Variants in HMX1 observed in about 807,000 individuals in gnomAD.
HMX1 encodes the protein homeobox protein HMX1.
Under a neutral mutation model 8.9 loss-of-function variants are expected in HMX1, and 8 were observed. The observed-to-expected ratio is 0.90, with a 90% CI of 0.53 to 1.63. The LOEUF (loss-of-function observed/expected upper bound fraction) is 1.63. Among genes scored for constraint, HMX1 ranks in the 40% most tolerant of loss-of-function variants. The pLI, the probability that HMX1 is intolerant of heterozygous loss-of-function variation, is 0.00. For synonymous variants in HMX1, 311 were observed against 283.4 expected, an observed-to-expected ratio of 1.10 and a Z score of -0.98; for missense variants, 621 against 558.5, an observed-to-expected ratio of 1.11 and a Z score of -1.13.
In HMX1 at chr4:8,846,286, C is replaced by G. The variant is rs1159203652; in HGVS notation, c.433G>C (p.Glu145Gln). ...TTATCAGCTCTGGTCACCTGCCCCT[C>G]TCCACACTGCACAGGCTGAGGTGTA... is the stretch of plus-strand genomic sequence containing the variant. The change falls in exon 2 of 2, where the codon GAG becomes CAG. Residue 145 changes from glutamate to glutamine, a missense_variant. Physicochemically the swap from Glu to Gln is conservative, Grantham distance 29 (BLOSUM62 2). Transcript: ENST00000506970. 8 of 1,535,364 alleles carry G rather than the reference C, an allele frequency of 5.2e-6. No individual in the cohort carries two copies. The Admixed American group carries it at 5.9e-5, about 11-fold the overall frequency.
At position 8,849,763 on chromosome 4, in the gene HMX1, G is replaced by A. The variant is rs1721387532; in HGVS notation, c.395-3439C>T. On this transcript the variant is annotated intron_variant, in intron 1 of 1. Transcript: ENST00000506970. The surrounding 1 kb of genome is among the most constrained non-coding windows in gnomAD (Gnocchi z 6.6). ...CCTCTGCCCTTGCTGGGTAGGGCAG[G>A]AAGAAATGGGGACCCTCACAGGAGG... 6.6e-6 allele frequency among the ~76,000 whole-genome samples: 1 copy of A among 152,200 alleles called. No homozygotes were observed. The highest frequency in any genetic ancestry group is 2.1e-4 in the South Asian group (1 of 4,832).
Position 8,849,832 on chromosome 4 carries a change from CCATTTGT to C in HMX1, c.395-3515_395-3509del, listed in dbSNP as rs1286829031. Among the ~76,000 whole-genome samples the C allele has an allele frequency of 6.6e-6, 1 of 152,182 alleles. No homozygotes were observed. Among genetic ancestry groups the C allele is most frequent in the Non-Finnish European group, 1.5e-5 (1 of 68,030 alleles). ...CCCTCCGGGCATCGGGTGTGGTCTGCCATTTGTCATTTAACTCCACCCTCAGCCCGGA... is the reference window on the plus strand; with the variant it reads ...CCCTCCGGGCATCGGGTGTGGTCTGCCATTTAACTCCACCCTCAGCCCGGA... On this transcript the variant is annotated intron_variant, in intron 1 of 1. Transcript: ENST00000506970. The surrounding 1 kb of genome is among the most constrained non-coding windows in gnomAD (Gnocchi z 6.6).
chr4:8,855,745 G>A (rs1721590907), intron 1 of HMX1, among the ~76,000 whole-genome samples: 1 of 152,200 alleles, frequency 6.6e-6, no homozygotes, highest in Admixed American at 6.5e-5. Context: ...AAAGTTTCAA[G>A]CAGCTGAGGA....
At position 8,861,997 on chromosome 4, in the gene HMX1, C is replaced by T. The variant is rs921091318; in HGVS notation, c.394+9224G>A. 3.3e-5 allele frequency among the ~76,000 whole-genome samples: 5 copies of T among 152,344 alleles called. No homozygotes were observed. In the South Asian group the frequency reaches 6.2e-4, roughly 19 times the overall value. ...GAGCCGGGAGGCGGCGCCAAGGACCCTTCAGCCCTTGTCCGTCCTCCCTGA... is the reference window on the plus strand; with the variant it reads ...GAGCCGGGAGGCGGCGCCAAGGACCTTTCAGCCCTTGTCCGTCCTCCCTGA... On this transcript the variant is annotated intron_variant, in intron 1 of 1. Coordinates refer to the HMX1 transcript ENST00000506970.
intron 1 of HMX1, among the ~76,000 whole-genome samples, chr4:8,859,468 T>C (rs1047491187): frequency 6.6e-6 from 1 of 152,108 alleles, no homozygotes; most frequent in African/African-American, 2.4e-5. Context: ...TGGGGCCCTC[T>C]GAGGTGCAGC....
At position 8,868,486 on chromosome 4, in the gene HMX1, G is replaced by A; in HGVS notation, c.395-141C>T. On this transcript the variant is annotated intron_variant, in intron 1 of 1. Coordinates refer to ENST00000400677, the MANE Select transcript of HMX1 (RefSeq NM_018942.3). This position sits in a 1 kb window ranked among gnomAD's most constrained non-coding sequence, Gnocchi z 4.6. Reference sequence around the variant, plus strand: ...CCAGCACAGGGCTGGGCACCCAGCAGCTCTGGGGATGCACACATTGTCAGA... The same window carrying A: ...CCAGCACAGGGCTGGGCACCCAGCAACTCTGGGGATGCACACATTGTCAGA... The A allele has an allele frequency of 1.5e-6, 1 of 645,534 alleles. No individual in the cohort carries two copies. Among genetic ancestry groups the A allele is most frequent in the Non-Finnish European group, 2.3e-6 (1 of 443,572 alleles). The allele number at this position is 645,534 out of a possible 1,614,324, so 40.0% of individuals were successfully genotyped here. A position where few individuals can be genotyped will look rare whatever the true frequency, so the allele number is the denominator to read the frequency against.
rs1177883515 is a variant in HMX1, at chr4:8,871,623, C to T, written c.-9G>A. 4 of 1,259,638 alleles carry T rather than the reference C, an allele frequency of 3.2e-6. No homozygotes were observed. The African/African-American group carries it at 6.4e-5, about 20-fold the overall frequency. 78.0% of individuals were successfully genotyped at this position (1,259,638 alleles called of 1,614,324 possible). A position where few individuals can be genotyped will look rare whatever the true frequency, so the allele number is the denominator to read the frequency against. On this transcript the variant is annotated 5_prime_UTR_variant, in exon 1 of 2. Coordinates refer to ENST00000400677, the MANE Select transcript of HMX1 (RefSeq NM_018942.3). The surrounding 1 kb of genome is among the most constrained non-coding windows in gnomAD (Gnocchi z 4.8). ...GTCAGCTCGTCAGGCATCGCGGCCG[C>T]GGGCTTCTCGGGCTCGGCCGGGCTC...
downstream of HMX1, among the ~76,000 whole-genome samples, chr4:8,863,938 G>C (rs1244745730): frequency 6.6e-6 from 1 of 152,268 alleles, no homozygotes; most frequent in East Asian, 1.9e-4. Context: ...CACCACCGTA[G>C]TGGCCTTTCC....
At chr4:8,859,420 A>C (rs938318221) in intron 1 of HMX1, among the ~76,000 whole-genome samples, 1 of 152,022 alleles carries the variant, frequency 6.6e-6, no homozygotes, top group Non-Finnish European at 1.5e-5. Context: ...GGCCCGCGGG[A>C]CTTAGAAAAT....
At chr4:8,865,099 G>A (rs1304805064), downstream of HMX1, among the ~76,000 whole-genome samples, 1 of 152,162 alleles carries the variant, frequency 6.6e-6, no homozygotes, top group Non-Finnish European at 1.5e-5. Context: ...GGAGTCAGGT[G>A]ACTCCTGGAG....
chr4:8,867,567 AGGTATCTAGGAG>A lies in HMX1; in HGVS notation c.*114_*125del. On this transcript the variant is annotated 3_prime_UTR_variant, in exon 2 of 2. Transcript: ENST00000400677. Reference sequence around the variant, plus strand: ...CGCCCGGCCGCGGCCTGCGCTCCCGAGGTATCTAGGAGGCCGCAGGAGCGACCATCCCTTCCC... The same window carrying A: ...CGCCCGGCCGCGGCCTGCGCTCCCGAGCCGCAGGAGCGACCATCCCTTCCC... The A allele has an allele frequency of 8.4e-7, 1 of 1,185,028 alleles. No individual in the cohort carries two copies. The highest frequency in any genetic ancestry group is 1.0e-6 in the Non-Finnish European group (1 of 958,274). 73.4% of individuals were successfully genotyped at this position (1,185,028 alleles called of 1,614,324 possible). A position where few individuals can be genotyped will look rare whatever the true frequency, so the allele number is the denominator to read the frequency against.
chr4:8,863,424 G>A (rs1457976589), downstream of HMX1, among the ~76,000 whole-genome samples: 1 of 152,260 alleles, frequency 6.6e-6, no homozygotes, highest in East Asian at 1.9e-4. Context: ...AGAGCCTTCC[G>A]TCTCCGCCCA....
rs889937606 is a variant in HMX1 at position 8,849,144 on chromosome 4, C to G, written c.395-2820G>C. On this transcript the variant is annotated intron_variant, in intron 1 of 1. Coordinates refer to the HMX1 transcript ENST00000506970. The surrounding 1 kb of genome is among the most constrained non-coding windows in gnomAD (Gnocchi z 6.6). ...CGGGGGTATGAAGTGTGGGATGAAGCCTTTTCATGAGGTTGTGAGACGGGT... is the reference window on the plus strand; with the variant it reads ...CGGGGGTATGAAGTGTGGGATGAAGGCTTTTCATGAGGTTGTGAGACGGGT... Among the ~76,000 whole-genome samples, 2 of 152,000 alleles carry G rather than the reference C, an allele frequency of 1.3e-5. No homozygotes were observed. Among genetic ancestry groups the G allele is most frequent in the African/African-American group, 4.8e-5 (2 of 41,386 alleles).
At chr4:8,863,204 G>C (rs1261684968), downstream of HMX1, among the ~76,000 whole-genome samples, 1 of 152,252 alleles carries the variant, frequency 6.6e-6, no homozygotes, top group Non-Finnish European at 1.5e-5. Context: ...GCCTCCCTCA[G>C]GCGGGTGGAG....
intron 1 of HMX1, chr4:8,860,953 G>A (rs1281316850): frequency 1.3e-5 from 2 of 150,614 alleles, no homozygotes; most frequent in East Asian, 1.9e-4. Context: ...GGTGAGCCGG[G>A]CGGGGGCGGG....
Position 8,871,538 on chromosome 4 carries a change from G to A in HMX1, c.77C>T (p.Ala26Val). 4 of 1,361,546 alleles carry A rather than the reference G, an allele frequency of 2.9e-6. No individual in the cohort carries two copies. The highest frequency in any genetic ancestry group is 1.6e-5 in the South Asian group (1 of 63,402). 84.3% of individuals were successfully genotyped at this position (1,361,546 alleles called of 1,614,324 possible). Residue 26 changes from alanine to valine, a missense_variant, in exon 1 of 2, where the codon GCG becomes GTG. Ala to Val is a moderately conservative substitution (Grantham distance 64). Coordinates refer to ENST00000400677, the MANE Select transcript of HMX1 (RefSeq NM_018942.3). The surrounding 1 kb of genome is among the most constrained non-coding windows in gnomAD (Gnocchi z 4.8). ...GCGCCCTGCGCCCTTGGCCTCGGCC[G>A]CCAGCAGGTTCTCGATGAGGAAGGA... ...ASSFLIENLL[A>V]AEAKGAGRAT...
In HMX1 at chr4:8,867,969, C is replaced by G. The variant is rs777333801; in HGVS notation, c.771G>C (p.Lys257Asn). ...GCTCGGCTGCCAGCTGCCGCTTCCA[C>G]TTGTTGCGGCGGTTCTGGAACCAGA... is the stretch of plus-strand genomic sequence containing the variant. ...VKIWFQNRRN[K>N]WKRQLAAELE... Residue 257 changes from lysine to asparagine, a missense_variant, in exon 2 of 2, where the codon AAG (lysine) becomes AAC (asparagine). Physicochemically the swap from Lys to Asn is moderately conservative, Grantham distance 94. Coordinates refer to ENST00000400677, the MANE Select transcript of HMX1 (RefSeq NM_018942.3). 1 of 1,532,174 alleles carries G rather than the reference C, an allele frequency of 6.5e-7. No individual in the cohort carries two copies. The highest frequency in any genetic ancestry group is 8.8e-7 in the Non-Finnish European group (1 of 1,142,244). 94.9% of individuals were successfully genotyped at this position (1,532,174 alleles called of 1,614,324 possible).
rs1434256116 is a variant in HMX1 at position 8,868,821 on chromosome 4, G to C, written c.395-476C>G. Reference sequence around the variant, plus strand: ...GAAAAACAAGCACAGGACACCCCCTGCCACCTGGCATCCAGCCCCACGCCA... The same window carrying C: ...GAAAAACAAGCACAGGACACCCCCTCCCACCTGGCATCCAGCCCCACGCCA... On this transcript the variant is annotated intron_variant, in intron 1 of 1. Transcript: ENST00000400677. The surrounding 1 kb of genome is among the most constrained non-coding windows in gnomAD (Gnocchi z 4.6). Among the ~76,000 whole-genome samples the C allele has an allele frequency of 2.4e-4, 36 of 152,220 alleles. No individual in the cohort carries two copies.
In HMX1 at chr4:8,853,516, G is replaced by C. The variant is rs1254942581; in HGVS notation, c.395-7192C>G. 2.6e-5 allele frequency among the ~76,000 whole-genome samples: 4 copies of C among 152,182 alleles called. No homozygotes were observed. Among genetic ancestry groups the C allele is most frequent in the Admixed American group, 2.6e-4 (4 of 15,284 alleles). On this transcript the variant is annotated intron_variant, in intron 1 of 1. Transcript: ENST00000506970. This position sits in a 1 kb window ranked among gnomAD's most constrained non-coding sequence, Gnocchi z 4.7. ...TGGGAAATGTAGTCTTTAGCTAAGT[G>C]CCCAACTGAAATCCAGAAGGGTTCA...
Sources: allele counts gnomAD v4.1 joint callset (sites outside exome capture counted in the v4.1 genomes callset), GRCh38; gene constraint gnomAD v4.1.1; non-coding constraint Gnocchi (gnomAD v3.1); transcripts MANE v1.5; gene names NCBI Gene and HGNC (gene_info 2026-07-23, HGNC 2026-07-21).